PTPRG: variants seen among roughly 807,000 people sequenced by gnomAD.
PTPRG encodes the protein protein tyrosine phosphatase receptor type G, also known as receptor-type tyrosine-protein phosphatase gamma.
PTPRG carries 102 observed loss-of-function variants against 165.3 expected under a neutral mutation model. The ratio of observed to expected loss-of-function variants is 0.62; its 90% CI spans 0.53 to 0.73. The LOEUF is 0.73. Ranked by LOEUF, PTPRG falls within the 30% of genes least tolerant of loss-of-function variation. PTPRG has a pLI of 0.00. For synonymous variants in PTPRG, 675 were observed against 669.5 expected, an observed-to-expected ratio of 1.01 and a Z score of -0.13; for missense variants, 1,866 against 1,861.4, an observed-to-expected ratio of 1.00 and a Z score of -0.05.
At chr3:61,678,619 C>G (rs562316548) in intron 1 of PTPRG, among the ~76,000 whole-genome samples, 2 of 152,072 alleles carry the variant, frequency 1.3e-5, no homozygotes, top group Non-Finnish European at 2.9e-5. Flanking sequence ...GTTCCCTGGC[C>G]GAGAGATCAA....
rs1488190505 is a variant in PTPRG, at chr3:62,273,207, A to G, written c.3318+126A>G. 2 of 1,076,348 alleles carry G rather than the reference A, an allele frequency of 1.9e-6. No individual in the cohort carries two copies. Among genetic ancestry groups the G allele is most frequent in the African/African-American group, 3.2e-5 (2 of 61,724 alleles). The allele number at this position is 1,076,348 out of a possible 1,614,324, so 66.7% of individuals were successfully genotyped here. On this transcript the variant is annotated intron_variant, in intron 22 of 29. Coordinates refer to ENST00000474889, the MANE Select transcript of PTPRG (RefSeq NM_002841.4). This position sits in a 1 kb window ranked among gnomAD's most constrained non-coding sequence, Gnocchi z 4.1. ...GCAGTAATTTACAGGTTTGTATTAG[A>G]AGATATTCTGACAATGATCCTATTC...
At chr3:61,752,249 A>C (rs1250762790) in intron 2 of PTPRG, among the ~76,000 whole-genome samples, 1 of 152,114 alleles carries the variant, frequency 6.6e-6, no homozygotes, top group African/African-American at 2.4e-5. Context: ...GACTATCCTC[A>C]AGTTCAGTGG....
At chr3:61,989,471 A>G (rs774198379) in intron 2 of PTPRG, among the ~76,000 whole-genome samples, 154 bp from the exon 3 acceptor site, 15 of 152,240 alleles carry the variant, frequency 9.9e-5, no homozygotes, top group Non-Finnish European at 1.5e-4. Flanking sequence ...TTCTTGTCAC[A>G]TCAGGCCAAT....
intron 4 of PTPRG, among the ~76,000 whole-genome samples, chr3:62,038,607 G>A (rs6783753): frequency 0.012 from 1,896 of 152,246 alleles, 30 homozygotes; most frequent in African/African-American, 0.043. Context: ...ATGTTGCCTA[G>A]GCTGGTCTTG....
intron 1 of PTPRG, among the ~76,000 whole-genome samples, chr3:61,715,127 A>G (rs1003768712): frequency 6.6e-6 from 1 of 151,762 alleles, no homozygotes; most frequent in African/African-American, 2.4e-5. Flanking sequence ...TGGTCTGGTC[A>G]TAGGTACAGC....
intron 8 of PTPRG, among the ~76,000 whole-genome samples, chr3:62,177,889 C>T (rs938782546): frequency 2.0e-5 from 3 of 152,114 alleles, no homozygotes; most frequent in Non-Finnish European, 2.9e-5. Context: ...TCTGATTATG[C>T]GATATGTGAT....
intron 1 of PTPRG, among the ~76,000 whole-genome samples, chr3:61,644,577 A>G (rs899265159): frequency 1.3e-5 from 2 of 152,176 alleles, no homozygotes; most frequent in African/African-American, 4.8e-5. Context: ...GTATTTGTGC[A>G]CACACGCCCC....
chr3:61,981,634 A>G (rs146445264), intron 2 of PTPRG, among the ~76,000 whole-genome samples: 2 of 152,300 alleles, frequency 1.3e-5, no homozygotes, highest in Non-Finnish European at 2.9e-5. Context: ...GGTTACTTTT[A>G]GTAAGGTACT....
At chr3:61,903,337 G>T (rs143640972) in intron 2 of PTPRG, among the ~76,000 whole-genome samples, 1 of 152,158 alleles carries the variant, frequency 6.6e-6, no homozygotes, top group Non-Finnish European at 1.5e-5. Flanking sequence ...CACAGAATGC[G>T]ATACTGATAC....
intron 2 of PTPRG, among the ~76,000 whole-genome samples, chr3:61,886,977 C>T (rs757791912): frequency 4.0e-5 from 6 of 150,444 alleles, no homozygotes; most frequent in Admixed American, 1.3e-4. Flanking sequence ...TGTTCATGGA[C>T]GATCAAGCAA....
chr3:61,986,531 A>C (rs912015153), intron 2 of PTPRG, among the ~76,000 whole-genome samples: 1 of 152,184 alleles, frequency 6.6e-6, no homozygotes, highest in Admixed American at 6.5e-5. Context: ...AAACACTATT[A>C]CATTCCCTTA....
At chr3:61,847,172 T>C (rs2036830828) in intron 2 of PTPRG, among the ~76,000 whole-genome samples, 3 of 151,684 alleles carry the variant, frequency 2.0e-5, no homozygotes, top group African/African-American at 7.3e-5. Context: ...CATACGGGAG[T>C]AGAATGGGCA....
intron 1 of PTPRG, among the ~76,000 whole-genome samples, chr3:61,660,740 G>A (rs1036397316): frequency 2.6e-5 from 4 of 152,228 alleles, no homozygotes; most frequent in South Asian, 2.1e-4. Flanking sequence ...GTTGGCTCAC[G>A]CCTGTAATCC....
chr3:62,033,162 C>T (rs574110923), intron 4 of PTPRG, among the ~76,000 whole-genome samples: 12 of 152,042 alleles, frequency 7.9e-5, no homozygotes, highest in Non-Finnish European at 2.9e-5. Flanking sequence ...GCTTTAATGA[C>T]CTTCTTTAAA....
intron 5 of PTPRG, among the ~76,000 whole-genome samples, chr3:62,104,008 T>C (rs537268971): frequency 1.3e-5 from 2 of 152,330 alleles, no homozygotes; most frequent in Admixed American, 6.5e-5. Flanking sequence ...GTGCCATCCC[T>C]CTGATTAACC....
chr3:61,842,586 CAG>C (rs369019154), intron 2 of PTPRG, among the ~76,000 whole-genome samples: 251 of 150,206 alleles, frequency 1.7e-3, no homozygotes, highest in African/African-American at 6.0e-3. Flanking sequence ...TATGCTGTAA[CAG>C]AGATTTCTAC....
intron 1 of PTPRG, among the ~76,000 whole-genome samples, chr3:61,720,955 C>T (rs1404136000): frequency 1.3e-5 from 2 of 152,184 alleles, no homozygotes; most frequent in East Asian, 1.9e-4. Flanking sequence ...TCTTTAAGTC[C>T]ACTCTTCTTG....
chr3:61,980,973 G>A (rs2040628669), intron 2 of PTPRG, among the ~76,000 whole-genome samples: 1 of 152,180 alleles, frequency 6.6e-6, no homozygotes. Context: ...CAGTCCCTCT[G>A]TATTAGTCCG....
chr3:61,868,915 T>G (rs1248190610), intron 2 of PTPRG, among the ~76,000 whole-genome samples: 1 of 152,060 alleles, frequency 6.6e-6, no homozygotes, highest in Admixed American at 6.5e-5. Context: ...TTTTTTTTTT[T>G]TGAAGATTTT....
Sources: gnomAD v4.1 joint callset for allele counts (sites outside exome capture counted in the v4.1 genomes callset) on GRCh38, gnomAD v4.1.1 for gene constraint, Gnocchi (gnomAD v3.1) non-coding constraint, MANE v1.5 for transcripts, NCBI Gene and HGNC (gene_info 2026-07-23, HGNC 2026-07-21) for gene names.